FRS2: variants seen among roughly 807,000 people sequenced by gnomAD.
FRS2 encodes fibroblast growth factor receptor substrate 2.
Under a neutral mutation model 43.9 loss-of-function variants are expected in FRS2, and 8 were observed. That is an observed-to-expected ratio of 0.18 (90% CI 0.11 to 0.33). FRS2 has a LOEUF of 0.33. Ranked by LOEUF, FRS2 falls within the 10% of genes least tolerant of loss-of-function variation. The probability of loss-of-function intolerance (pLI) is 1.00; values close to 1 mark genes in which losing one functional copy is unlikely to be tolerated. For synonymous variants in FRS2, 219 were observed against 220.3 expected, an observed-to-expected ratio of 0.99 and a Z score of 0.05; for missense variants, 534 against 627.6, an observed-to-expected ratio of 0.85 and a Z score of 1.59.
At chr12:69,513,583 G>A (rs1002074940) in intron 1 of FRS2, among the ~76,000 whole-genome samples, 5 of 152,140 alleles carry the variant, frequency 3.3e-5, no homozygotes, top group Non-Finnish European at 7.4e-5. Flanking sequence ...GTGACAATGA[G>A]GCACTGACTT....
chr12:69,484,128 A>G (rs1210439731), intron 1 of FRS2, among the ~76,000 whole-genome samples: 1 of 149,870 alleles, frequency 6.7e-6, no homozygotes, highest in Non-Finnish European at 1.5e-5. Flanking sequence ...TCTGTCGCCC[A>G]GGCTAGAGTG....
At chr12:69,562,038 T>A in intron 3 of FRS2, 142 bp from the exon 4 acceptor site, 1 of 385,390 alleles carries the variant, frequency 2.6e-6, no homozygotes, top group Non-Finnish European at 4.6e-6. Flanking sequence ...TGATGTTATA[T>A]GTTAAATACT....
chr12:69,572,462 G>T (rs995412610), intron 8 of FRS2, among the ~76,000 whole-genome samples, 181 bp downstream of exon 8: 9 of 152,164 alleles, frequency 5.9e-5, no homozygotes, highest in Admixed American at 5.2e-4. Flanking sequence ...ATATATGCGG[G>T]TATTCAGGGG....
intron 1 of FRS2, among the ~76,000 whole-genome samples, chr12:69,479,407 T>C (rs7486067): frequency 5.5e-3 from 634 of 116,054 alleles, no homozygotes; most frequent in Non-Finnish European, 7.9e-3. Flanking sequence ...TTTTTTTTTT[T>C]CTTTTTTTTT....
chr12:69,575,896 T>C lies in FRS2; in HGVS notation c.*941T>C, dbSNP rs1295180060. The C allele has an allele frequency of 6.6e-6, 1 of 152,664 alleles. No homozygotes were observed. Among genetic ancestry groups the C allele is most frequent in the African/African-American group, 2.4e-5 (1 of 41,460 alleles). 9.5% of individuals were successfully genotyped at this position (152,664 alleles called of 1,614,324 possible). On this transcript the variant is annotated 3_prime_UTR_variant, in exon 9 of 9. Coordinates refer to ENST00000549921, the MANE Select transcript of FRS2 (RefSeq NM_001278356.2). Reference sequence around the variant, plus strand: ...GTTTGTATATAGTTTTGAAATTGGATTATGTGTTCATTGTTGTTTAGTTTG... The same window carrying C: ...GTTTGTATATAGTTTTGAAATTGGACTATGTGTTCATTGTTGTTTAGTTTG...
chr12:69,470,882 G>T (rs1040507857), intron 1 of FRS2, among the ~76,000 whole-genome samples: 35 of 152,150 alleles, frequency 2.3e-4, no homozygotes, highest in Non-Finnish European at 1.6e-4. Flanking sequence ...CCGGCCTGGG[G>T]TAGTAGCTGG....
chr12:69,571,142 A>G (rs1355312917), intron 6 of FRS2, 134 bp from the exon 7 acceptor site: 1 of 567,548 alleles, frequency 1.8e-6, no homozygotes, highest in Admixed American at 3.6e-5. Context: ...TTAATTTATC[A>G]GATATTTATT....
intron 1 of FRS2, among the ~76,000 whole-genome samples, chr12:69,492,704 G>A (rs973239968): frequency 1.4e-4 from 21 of 152,216 alleles, no homozygotes; most frequent in Admixed American, 4.6e-4. Context: ...CTTCCCTGAC[G>A]TGAAAACATA....
Position 69,576,684 on chromosome 12 carries a change from A to C in FRS2, c.*1729A>C, listed in dbSNP as rs562171027. ...ACAATAGAGTGGGATCATTATAAAG[A>C]AAATAAATTATTAAAGGTGTCTTTA... is the stretch of plus-strand genomic sequence containing the variant. On this transcript the variant is annotated 3_prime_UTR_variant, in exon 9 of 9. Transcript: ENST00000549921. 9 of 152,242 alleles carry C rather than the reference A, an allele frequency of 5.9e-5. No individual in the cohort carries two copies. The highest frequency in any genetic ancestry group is 2.1e-4 in the South Asian group (1 of 4,834). 9.4% of individuals were successfully genotyped at this position (152,242 alleles called of 1,614,324 possible). A position where few individuals can be genotyped will look rare whatever the true frequency, so the allele number is the denominator to read the frequency against.
At chr12:69,555,828 A>G (rs760497654) in intron 3 of FRS2, among the ~76,000 whole-genome samples, 30 of 152,330 alleles carry the variant, frequency 2.0e-4, no homozygotes, top group Admixed American at 1.2e-3. Context: ...TTTTGAGTGC[A>G]CTGCTCTAGA....
At chr12:69,549,003 G>A (rs1878648150) in intron 3 of FRS2, among the ~76,000 whole-genome samples, 1 of 152,128 alleles carries the variant, frequency 6.6e-6, no homozygotes, top group African/African-American at 2.4e-5. Context: ...AAAATATACA[G>A]CATTACAGAT....
chr12:69,566,603 G>A (rs918946679), intron 4 of FRS2, among the ~76,000 whole-genome samples: 3 of 118,510 alleles, frequency 2.5e-5, no homozygotes, highest in Middle Eastern at 3.8e-3. Context: ...GCGAAATTCC[G>A]TCTTGGGGGA....
At position 69,527,451 on chromosome 12, in the gene FRS2, T is replaced by A. The variant is rs188534730; in HGVS notation, c.-260-3414T>A. Reference sequence around the variant, plus strand: ...CTCCTGCCTCAGCCTCCCAAGTAACTGGGATTCTTGTTGCGGGTCACCATG... The same window carrying A: ...CTCCTGCCTCAGCCTCCCAAGTAACAGGGATTCTTGTTGCGGGTCACCATG... On this transcript the variant is annotated intron_variant, in intron 1 of 8. Coordinates refer to ENST00000549921, the MANE Select transcript of FRS2 (RefSeq NM_001278356.2). Among the ~76,000 whole-genome samples, 63 of 146,606 alleles carry A rather than the reference T, an allele frequency of 4.3e-4. No homozygotes were observed. The East Asian group carries it at 9.1e-3, about 21-fold the overall frequency.
chr12:69,574,830 A>G lies in FRS2; in HGVS notation c.1402A>G (p.Thr468Ala), dbSNP rs751201068. Residue 468 changes from threonine to alanine, a missense_variant, in exon 9 of 9, where the codon ACA becomes GCA. Physicochemically the swap from Thr to Ala is moderately conservative, Grantham distance 58. Around this residue, in one of 3 missense-constraint regions of FRS2, gnomAD observed 446 missense variants for 494.2 expected, o/e 0.90. Transcript: ENST00000549921. ...TPLPQTPTRR[T>A]ELYAVIDIER... Reference sequence around the variant, plus strand: ...CCTTCCACAAACCCCTACCAGGCGCACAGAGCTGTATGCCGTGATAGACAT... The same window carrying G: ...CCTTCCACAAACCCCTACCAGGCGCGCAGAGCTGTATGCCGTGATAGACAT... The G allele has an allele frequency of 5.6e-6, 9 of 1,614,118 alleles. No homozygotes were observed. In the Admixed American group the frequency reaches 1.5e-4, roughly 27 times the overall value.
intron 1 of FRS2, among the ~76,000 whole-genome samples, chr12:69,476,643 A>G (rs1870799884): frequency 6.6e-6 from 1 of 152,030 alleles, no homozygotes; most frequent in South Asian, 2.1e-4. Flanking sequence ...TCCTGGGGAC[A>G]CAAACCAATT....
In FRS2 at chr12:69,574,528, A is replaced by T. The variant is rs768688491; in HGVS notation, c.1100A>T (p.Asp367Val). 2 of 1,614,176 alleles carry T rather than the reference A, an allele frequency of 1.2e-6. No individual in the cohort carries two copies. The highest frequency in any genetic ancestry group is 1.7e-5 in the Admixed American group (1 of 60,022). Reference protein sequence around the residue: ...PVWEARKLSRDEDDNLGPKTP... With the variant: ...PVWEARKLSRVEDDNLGPKTP... ...TGGGAAGCCCGCAAGCTAAGTAGGGATGAAGATGACAATTTAGGACCAAAG... is the reference window on the plus strand; with the variant it reads ...TGGGAAGCCCGCAAGCTAAGTAGGGTTGAAGATGACAATTTAGGACCAAAG... The change falls in exon 9 of 9, where the codon GAT (aspartate) becomes GTT (valine). Residue 367 changes from aspartate to valine, a missense_variant. Physicochemically the swap from Asp to Val is radical, Grantham distance 152. Around this residue, in one of 3 missense-constraint regions of FRS2, gnomAD observed 446 missense variants for 494.2 expected, o/e 0.90. Transcript: ENST00000549921.
At chr12:69,478,905 A>G (rs142989107) in intron 1 of FRS2, among the ~76,000 whole-genome samples, 10 of 151,118 alleles carry the variant, frequency 6.6e-5, no homozygotes, top group African/African-American at 2.2e-4. Flanking sequence ...TGAATTTTAT[A>G]TTAATCATTA....
At chr12:69,566,426 A>G in intron 4 of FRS2, among the ~76,000 whole-genome samples, 1 of 152,182 alleles carries the variant, frequency 6.6e-6, no homozygotes, top group Middle Eastern at 3.4e-3. Context: ...AATTTCTTAT[A>G]TTACTCATCC....
intron 1 of FRS2, among the ~76,000 whole-genome samples, chr12:69,526,414 C>A (rs768312796): frequency 9.9e-5 from 15 of 152,116 alleles, no homozygotes; most frequent in South Asian, 2.1e-4. Context: ...GTAGTTCAAT[C>A]TAATAATAAC....
Sources: gnomAD v4.1 joint callset for allele counts (sites outside exome capture counted in the v4.1 genomes callset) on GRCh38, gnomAD v4.1.1 for gene constraint, gnomAD v4.1.1 regional missense constraint, MANE v1.5 for transcripts, NCBI Gene and HGNC (gene_info 2026-07-23, HGNC 2026-07-21) for gene names.